The following CRACDL variants were observed in gnomAD, a reference collection of about 807,000 sequenced individuals.
The protein encoded by CRACDL is CRACD like.
CRACDL carries 26 observed loss-of-function variants against 70.6 expected under a neutral mutation model. That is an observed-to-expected ratio of 0.37 (90% CI 0.27 to 0.51). The LOEUF is 0.51. CRACDL is among the 20% of genes least tolerant of loss of function. The pLI, the probability that CRACDL is intolerant of heterozygous loss-of-function variation, is 0.94. For synonymous variants in CRACDL, 618 were observed against 615.2 expected (o/e 1.00, Z -0.07); for missense variants, 1,283 against 1,376.9 (o/e 0.93, Z 1.08).
intron 7 of CRACDL, among the ~76,000 whole-genome samples, chr2:98,818,570 A>G (rs757472894): frequency 6.6e-6 from 1 of 152,226 alleles, no homozygotes; most frequent in East Asian, 1.9e-4. Flanking sequence ...TTGCCACCAC[A>G]ACAGCAAATA....
intron 1 of CRACDL, among the ~76,000 whole-genome samples, chr2:98,900,894 G>T (rs548095685): frequency 6.6e-6 from 1 of 152,158 alleles, no homozygotes; most frequent in Non-Finnish European, 1.5e-5. Context: ...CTGCGGGAGG[G>T]TGCCTCACCA....
Position 98,823,056 on chromosome 2 carries a change from A to T in CRACDL, c.1217T>A (p.Ile406Asn), listed in dbSNP as rs763107732. The T allele has an allele frequency of 4.5e-6, 7 of 1,564,674 alleles. No homozygotes were observed. The Admixed American group carries it at 1.3e-4, about 28-fold the overall frequency. ...EDVASPFPTA[I>N]PEGDTTPPET... ...GGGGGGAGTCGTGTCCCCCTCAGGG[A>T]TGGCGGTGGGAAACGGGCTCGCGAC... The change falls in exon 7 of 10, where the codon ATC becomes AAC. Residue 406 changes from isoleucine (I) to asparagine (N), a missense_variant. Around this residue, in one of 2 missense-constraint regions of CRACDL, gnomAD observed 921 missense variants for 881.9 expected, o/e 1.04. Coordinates refer to ENST00000397899, the MANE Select transcript of CRACDL (RefSeq NM_207362.3). The surrounding 1 kb of genome is among the most constrained non-coding windows in gnomAD (Gnocchi z 4.0).
At chr2:98,918,539 CAAAAAAAAAAAAAAA>C (rs58312556) in intron 1 of CRACDL, among the ~76,000 whole-genome samples, 2 of 66,358 alleles carry the variant, frequency 3.0e-5, no homozygotes, top group African/African-American at 5.4e-5. Context: ...TGTTGTCTAC[CAAAAAAAAAAAAAAA>C]AAAAAAAAAA....
chr2:98,858,949 G>C (rs1222960831), intron 1 of CRACDL, among the ~76,000 whole-genome samples: 1 of 152,122 alleles, frequency 6.6e-6, no homozygotes, highest in Admixed American at 6.6e-5. Context: ...ATAATAAAAA[G>C]AAAGTTTGAA....
At chr2:98,802,556 C>T (rs1394892524) in intron 7 of CRACDL, among the ~76,000 whole-genome samples, 5 of 151,588 alleles carry the variant, frequency 3.3e-5, no homozygotes, top group East Asian at 1.9e-4. Flanking sequence ...TGTTCAACTA[C>T]GCCTACGTGG....
chr2:98,797,850 T>C (rs1703894294), intron 7 of CRACDL, among the ~76,000 whole-genome samples: 1 of 152,140 alleles, frequency 6.6e-6, no homozygotes, highest in African/African-American at 2.4e-5. Context: ...AAAATTTCTT[T>C]AATATAATCC....
intron 1 of CRACDL, among the ~76,000 whole-genome samples, chr2:98,907,335 C>T (rs1350206066): frequency 6.6e-6 from 1 of 152,134 alleles, no homozygotes; most frequent in African/African-American, 2.4e-5. Context: ...CTCTTAGTCT[C>T]CCAGCACAAT....
intron 7 of CRACDL, among the ~76,000 whole-genome samples, chr2:98,810,333 T>C (rs1461608192): frequency 2.6e-5 from 4 of 152,146 alleles, no homozygotes; most frequent in African/African-American, 9.7e-5. Flanking sequence ...TTGGCCAGAA[T>C]CTAAAAAGCC....
intron 1 of CRACDL, among the ~76,000 whole-genome samples, chr2:98,923,751 T>C (rs930754278): frequency 6.6e-6 from 1 of 152,230 alleles, no homozygotes; most frequent in Non-Finnish European, 1.5e-5. Context: ...ATATGCATTT[T>C]TCCTACTGAT....
In CRACDL at chr2:98,822,943, G is replaced by T. The variant is rs747362353; in HGVS notation, c.1330C>A (p.Pro444Thr). ...SVPKEAEPTPPVLPDEEKGPP... is the reference protein window; with the variant it reads ...SVPKEAEPTPTVLPDEEKGPP... The stretch of plus-strand genomic sequence containing the variant: ...CCCTTCTCCTCATCCGGGAGCACGG[G>T]CGGCGTCGGCTCCGCTTCCTTCGGG... Residue 444 changes from proline to threonine, a missense_variant, in exon 7 of 10, where the codon CCC becomes ACC. By Grantham distance (38) the Pro-to-Thr change is conservative. Around this residue, in one of 2 missense-constraint regions of CRACDL, gnomAD observed 921 missense variants for 881.9 expected, o/e 1.04. Transcript: ENST00000397899. This position sits in a 1 kb window ranked among gnomAD's most constrained non-coding sequence, Gnocchi z 4.9. 2 of 1,460,804 alleles carry T rather than the reference G, an allele frequency of 1.4e-6. No homozygotes were observed. The highest frequency in any genetic ancestry group is 2.7e-5 in the East Asian group (1 of 36,902). The allele number at this position is 1,460,804 out of a possible 1,614,324, so 90.5% of individuals were successfully genotyped here.
chr2:98,866,050 A>G (rs748482502), intron 1 of CRACDL, among the ~76,000 whole-genome samples: 1 of 152,130 alleles, frequency 6.6e-6, no homozygotes, highest in Non-Finnish European at 1.5e-5. Context: ...CTCTTGTCAG[A>G]AAGGATAGCG....
chr2:98,860,847 T>A (rs561995220), intron 1 of CRACDL, among the ~76,000 whole-genome samples: 1 of 152,346 alleles, frequency 6.6e-6, no homozygotes, highest in East Asian at 1.9e-4. Context: ...TACTTGTATA[T>A]CATCTATCTG....
intron 1 of CRACDL, among the ~76,000 whole-genome samples, chr2:98,894,791 CA>C (rs903582754): frequency 1.7e-4 from 26 of 152,166 alleles, no homozygotes; most frequent in Admixed American, 1.6e-3. Context: ...CAGTGACCTG[CA>C]CCTAGATGTC....
In CRACDL at chr2:98,822,282, C is replaced by G. The variant is rs376465699; in HGVS notation, c.1991G>C (p.Arg664Thr). The change falls in exon 7 of 10, where the codon AGA (arginine) becomes ACA (threonine). Residue 664 changes from arginine to threonine, a missense_variant. Physicochemically the swap from Arg to Thr is moderately conservative, Grantham distance 71 (BLOSUM62 -1). Transcript: ENST00000397899. This position sits in a 1 kb window ranked among gnomAD's most constrained non-coding sequence, Gnocchi z 4.9. ...PQEAAAAPGT[R>T]EPCPAAQEPA... ...CTCCTGGGCGGCTGGGCAGGGCTCTCTCGTGCCGGGCGCGGCGGCCGCCTC... is the reference window on the plus strand; with the variant it reads ...CTCCTGGGCGGCTGGGCAGGGCTCTGTCGTGCCGGGCGCGGCGGCCGCCTC... 6.4e-6 allele frequency: 10 copies of G among 1,567,750 alleles called. No individual in the cohort carries two copies. In the Admixed American group the frequency reaches 1.1e-4, roughly 17 times the overall value.
At position 98,865,343 on chromosome 2, in the gene CRACDL, C is replaced by T. The variant is rs1428008372; in HGVS notation, c.-10-18533G>A. ...CCCTTCAGGATGTGTCAAGACCTCC[C>T]GCGACATACTATGGGAGACCCTGTG... On this transcript the variant is annotated intron_variant, in intron 1 of 9. Coordinates refer to ENST00000397899, the MANE Select transcript of CRACDL (RefSeq NM_207362.3). Among the ~76,000 whole-genome samples the T allele has an allele frequency of 3.3e-5, 5 of 152,084 alleles. No individual in the cohort carries two copies. In the East Asian group the frequency reaches 5.8e-4, roughly 18 times the overall value.
At chr2:98,913,395 C>T (rs115350692) in intron 1 of CRACDL, among the ~76,000 whole-genome samples, 8,013 of 152,164 alleles carry the variant, frequency 0.053, 392 homozygotes, top group South Asian at 0.18. Context: ...AGTCAGCCAG[C>T]GGGGCAGGTC....
At chr2:98,907,298 A>G (rs1043130952) in intron 1 of CRACDL, among the ~76,000 whole-genome samples, 1 of 152,140 alleles carries the variant, frequency 6.6e-6, no homozygotes, top group African/African-American at 2.4e-5. Flanking sequence ...ATCTCAGGAA[A>G]CAAAACAAAA....
chr2:98,858,512 C>CAAAAAA (rs370742460), intron 1 of CRACDL, among the ~76,000 whole-genome samples: 6 of 56,124 alleles, frequency 1.1e-4, no homozygotes, highest in African/African-American at 1.7e-4. Flanking sequence ...GAGACTCTGT[C>CAAAAAA]AAAAAAAAAA....
intron 7 of CRACDL, among the ~76,000 whole-genome samples, chr2:98,798,443 CAAAAAAAAAAAAAAAA>C (rs70940125): frequency 2.3e-5 from 1 of 44,356 alleles, no homozygotes; most frequent in Non-Finnish European, 4.2e-5. Flanking sequence ...GACTCCGTCT[CAAAAAAAAAAAAAAAA>C]AAAAAAAAAA....
Sources: gnomAD v4.1 joint callset for allele counts (sites outside exome capture counted in the v4.1 genomes callset) on GRCh38, gnomAD v4.1.1 for gene constraint, gnomAD v4.1.1 regional missense constraint, Gnocchi (gnomAD v3.1) non-coding constraint, MANE v1.5 for transcripts, NCBI Gene and HGNC (gene_info 2026-07-23, HGNC 2026-07-21) for gene names.